Variants in PTCH2 observed in about 807,000 individuals in gnomAD.
PTCH2 encodes the protein patched 2.
In PTCH2, 96 loss-of-function variants were observed where a neutral mutation model predicts 117.9. The ratio of observed to expected loss-of-function variants is 0.81; its 90% CI spans 0.69 to 0.96. The LOEUF is 0.96. Among genes scored for constraint, PTCH2 ranks in the 50% least tolerant of loss-of-function variants. PTCH2 has a pLI of 0.00. For synonymous variants in PTCH2, 615 were observed against 660.9 expected (o/e 0.93, Z 1.06); for missense variants, 1,379 against 1,562.5 (o/e 0.88, Z 1.98).
chr1:44,843,023 C>G lies in PTCH2; in HGVS notation c.-91G>C. On this transcript the variant is annotated 5_prime_UTR_variant, in exon 1 of 22. Coordinates refer to ENST00000372192, the MANE Select transcript of PTCH2 (RefSeq NM_003738.5). ...CCGGTCTCCCGGTACCGCTGGGCCC[C>G]GCGTAGGGATTCAGTGGGGCCGCCA... 3 of 1,440,410 alleles carry G rather than the reference C, an allele frequency of 2.1e-6. No homozygotes were observed. The highest frequency in any genetic ancestry group is 2.8e-5 in the Admixed American group (1 of 35,456). The allele number at this position is 1,440,410 out of a possible 1,614,324, so 89.2% of individuals were successfully genotyped here. A position where few individuals can be genotyped will look rare whatever the true frequency, so the allele number is the denominator to read the frequency against.
At chr1:44,820,811 T>G, downstream of PTCH2, 2 of 664,978 alleles carry the variant, frequency 3.0e-6, no homozygotes, top group Non-Finnish European at 5.6e-6. Flanking sequence ...TATTCTGGCC[T>G]GGTGAGCTCT....
intron 2 of PTCH2, among the ~76,000 whole-genome samples, chr1:44,839,426 T>C (rs188001960): frequency 1.5e-5 from 2 of 132,306 alleles, no homozygotes; most frequent in African/African-American, 2.9e-5. Context: ...CCAGCCAATA[T>C]AGGACAAGAG....
rs200149437 is a variant in PTCH2, at chr1:44,842,274, CTTTTTTTTTTTT to C, written c.73-247_73-236del. ...CTTTCTTTTCTTTTTGTTTTCTCTC[CTTTTTTTTTTTT>C]TTTTTTTTTTTGAGACGCAGTCTCG... On this transcript the variant is annotated intron_variant, in intron 1 of 21. Transcript: ENST00000372192. Among the ~76,000 whole-genome samples, 51,119 of 131,674 alleles carry C rather than the reference CTTTTTTTTTTTT, an allele frequency of 0.39. 9,355 individuals are homozygous for C. The highest frequency in any genetic ancestry group is 0.48 in the Admixed American group (6,378 of 13,328). The allele number at this position is 131,674 out of a possible 152,430, so 86.4% of individuals were successfully genotyped here. A position where few individuals can be genotyped will look rare whatever the true frequency, so the allele number is the denominator to read the frequency against.
At chr1:44,838,678 G>A (rs1175563702) in intron 2 of PTCH2, among the ~76,000 whole-genome samples, 1 of 152,078 alleles carries the variant, frequency 6.6e-6, no homozygotes, top group Non-Finnish European at 1.5e-5. Context: ...CTGGAACACT[G>A]TGATAGCCAA....
intron 11 of PTCH2, 36 bp downstream of exon 11, chr1:44,828,946 G>A: frequency 3.9e-6 from 6 of 1,542,482 alleles, no homozygotes; most frequent in Non-Finnish European, 3.5e-6. Flanking sequence ...AGTAAGCTGA[G>A]CTGCCTCAGA....
rs776449187 is a variant in PTCH2, at chr1:44,828,207, A to T, written c.1710-16T>A. On this transcript the variant is annotated splice_polypyrimidine_tract_variant and intron_variant, in intron 13 of 21. Coordinates refer to ENST00000372192, the MANE Select transcript of PTCH2 (RefSeq NM_003738.5). ...AGAGCAGGGACTGGAAGAGGTAGAG[A>T]GTGGATGACAGGTCTGTGCCTTGAA... 83 of 1,613,048 alleles carry T rather than the reference A, an allele frequency of 5.1e-5. No individual in the cohort carries two copies. The highest frequency in any genetic ancestry group is 7.0e-5 in the Non-Finnish European group (82 of 1,179,716).
chr1:44,841,738 C>A (rs1445813421), intron 2 of PTCH2, 109 bp downstream of exon 2: 3 of 1,242,482 alleles, frequency 2.4e-6, no homozygotes, highest in Non-Finnish European at 2.4e-6. Context: ...AGCAGGTGAC[C>A]CTCCAGCCCC....
Position 44,827,074 on chromosome 1 carries a change from TG to T in PTCH2, c.2522del (p.Thr841LysfsTer10), listed in dbSNP as rs1283864407. On this transcript the variant is annotated frameshift_variant, in exon 17 of 22. Coordinates refer to ENST00000372192, the MANE Select transcript of PTCH2 (RefSeq NM_003738.5). LOFTEE classifies it high-confidence loss of function. ...GTCCCTCTCTGTCCACCAGCTTCCT[TG>T]TGGTCAGCTGCAGAGGCAGAGAGGG... The part of the protein sequence containing the change: ...QEPLDFSQLT[T>X]RKLVDREGLI... The T allele has an allele frequency of 6.2e-7, 1 of 1,613,946 alleles. No individual in the cohort carries two copies. Among genetic ancestry groups the T allele is most frequent in the Non-Finnish European group, 8.5e-7 (1 of 1,179,940 alleles).
At chr1:44,838,984 C>T (rs1573660984) in intron 2 of PTCH2, among the ~76,000 whole-genome samples, 1 of 152,148 alleles carries the variant, frequency 6.6e-6, no homozygotes, top group Non-Finnish European at 1.5e-5. Context: ...CTACTTCGGC[C>T]TCCCGAAGTG....
chr1:44,842,708 A>C (rs1654009332), intron 1 of PTCH2, among the ~76,000 whole-genome samples, 153 bp downstream of exon 1: 2 of 152,192 alleles, frequency 1.3e-5, no homozygotes, highest in African/African-American at 4.8e-5. Context: ...AGACACACCG[A>C]CACACACGCA....
Position 44,831,282 on chromosome 1 carries a change from T to C in PTCH2, c.618-239A>G, listed in dbSNP as rs551130715. Among the ~76,000 whole-genome samples, 1 of 152,306 alleles carries C rather than the reference T, an allele frequency of 6.6e-6. No homozygotes were observed. The highest frequency in any genetic ancestry group is 2.4e-5 in the African/African-American group (1 of 41,558). ...CGAATATCAGGGCAGGGTTACCTAA[T>C]ACATAGAAAGGGCCCAGAAAGGCCC... On this transcript the variant is annotated intron_variant, in intron 5 of 21. Transcript: ENST00000372192. This position sits in a 1 kb window ranked among gnomAD's most constrained non-coding sequence, Gnocchi z 4.3.
intron 2 of PTCH2, among the ~76,000 whole-genome samples, chr1:44,834,213 G>A (rs368740548): frequency 1.1e-4 from 17 of 150,458 alleles, no homozygotes; most frequent in African/African-American, 3.9e-4. Flanking sequence ...TCTGCCTCCC[G>A]GGTTCAAGCG....
At chr1:44,839,789 C>G (rs1200091890) in intron 2 of PTCH2, among the ~76,000 whole-genome samples, 3 of 151,978 alleles carry the variant, frequency 2.0e-5, no homozygotes, top group Non-Finnish European at 4.4e-5. Flanking sequence ...CTCTGGACCC[C>G]AGGGCTGGCC....
chr1:44,819,921 A>G (rs775822251), downstream of PTCH2: 6 of 153,248 alleles, frequency 3.9e-5, no homozygotes, highest in Non-Finnish European at 8.8e-5. Context: ...ATTGAATAAA[A>G]ACTCACAACT....
Position 44,843,180 on chromosome 1 carries a change from G to C in PTCH2, c.-248C>G. 1 of 1,247,422 alleles carries C rather than the reference G, an allele frequency of 8.0e-7. No homozygotes were observed. Among genetic ancestry groups the C allele is most frequent in the Non-Finnish European group, 1.0e-6 (1 of 994,388 alleles). The allele number at this position is 1,247,422 out of a possible 1,614,324, so 77.3% of individuals were successfully genotyped here. On this transcript the variant is annotated 5_prime_UTR_variant, in exon 1 of 22. Coordinates refer to ENST00000372192, the MANE Select transcript of PTCH2 (RefSeq NM_003738.5). ...CGTGGGCCGTGGGCCGCGGCGGCTG[G>C]AGGAGGAATGGGTCCCGCGCGCAGG...
chr1:44,841,196 C>A (rs1653933245), intron 2 of PTCH2, among the ~76,000 whole-genome samples: 1 of 149,646 alleles, frequency 6.7e-6, no homozygotes, highest in South Asian at 2.1e-4. Context: ...AAAAAACAAC[C>A]CCCCCCAAAA....
At chr1:44,841,814 C>T (rs1653957829) in intron 2 of PTCH2, 33 bp downstream of exon 2, 8 of 1,605,790 alleles carry the variant, frequency 5.0e-6, no homozygotes, top group Non-Finnish European at 5.1e-6. Flanking sequence ...GCTCACCATA[C>T]CTGAGCAGCT....
At chr1:44,828,743 A>C (rs1164197110) in intron 11 of PTCH2, 112 bp from the exon 12 acceptor site, 1 of 1,454,072 alleles carries the variant, frequency 6.9e-7, no homozygotes, top group Non-Finnish European at 9.4e-7. Flanking sequence ...CAGTCATAAC[A>C]CAGTGGCTAG....
chr1:44,828,704 G>T, intron 11 of PTCH2, 73 bp from the exon 12 acceptor site: 1 of 1,565,826 alleles, frequency 6.4e-7, no homozygotes, highest in Non-Finnish European at 8.6e-7. Context: ...TGAAGGGGAG[G>T]CTCAGGAACT....
Sources: gnomAD v4.1 joint callset for allele counts (sites outside exome capture counted in the v4.1 genomes callset) on GRCh38, gnomAD v4.1.1 for gene constraint, Gnocchi (gnomAD v3.1) non-coding constraint, MANE v1.5 for transcripts, NCBI Gene and HGNC (gene_info 2026-07-23, HGNC 2026-07-21) for gene names.